Variants in NRG3 observed in about 807,000 individuals in gnomAD.
NRG3 encodes pro-neuregulin-3, membrane-bound isoform.
Under a neutral mutation model 66.9 loss-of-function variants are expected in NRG3, and 31 were observed. The ratio of observed to expected loss-of-function variants is 0.46; its 90% CI spans 0.35 to 0.63. NRG3 has a LOEUF of 0.63. Ranked by LOEUF, NRG3 falls within the 20% of genes least tolerant of loss-of-function variation. The probability of loss-of-function intolerance (pLI) is 0.00; values close to 1 mark genes in which losing one functional copy is unlikely to be tolerated. For missense variants in NRG3, 910 were observed against 878.9 expected, an observed-to-expected ratio of 1.04 and a Z score of -0.45; for synonymous variants, 393 against 359.4, an observed-to-expected ratio of 1.09 and a Z score of -1.06.
chr10:82,141,023 A>G (rs1161228193), intron 1 of NRG3, among the ~76,000 whole-genome samples: 1 of 152,174 alleles, frequency 6.6e-6, no homozygotes, highest in Non-Finnish European at 1.5e-5. Flanking sequence ...GTGTGTGTAT[A>G]TACATGTATA....
intron 4 of NRG3, among the ~76,000 whole-genome samples, chr10:82,943,819 A>G (rs539187821): frequency 6.6e-6 from 1 of 152,314 alleles, no homozygotes; most frequent in African/African-American, 2.4e-5. Context: ...CAGGGGGGAA[A>G]AATTTTAAAA....
chr10:81,972,721 ACT>A (rs2059976796), intron 1 of NRG3, among the ~76,000 whole-genome samples: 1 of 152,108 alleles, frequency 6.6e-6, no homozygotes, highest in Admixed American at 6.6e-5. Context: ...TGTAATTGTA[ACT>A]CTTAATGAAG....
At chr10:82,803,061 G>A (rs150345462) in intron 3 of NRG3, among the ~76,000 whole-genome samples, 18 of 152,206 alleles carry the variant, frequency 1.2e-4, no homozygotes, top group Non-Finnish European at 2.4e-4. Context: ...GAAAATTCTG[G>A]TTTAAAGAGT....
chr10:81,988,606 G>A (rs1351068774), intron 1 of NRG3, among the ~76,000 whole-genome samples: 1 of 152,144 alleles, frequency 6.6e-6, no homozygotes, highest in East Asian at 1.9e-4. Flanking sequence ...GGTGCCTAGA[G>A]AATATTTGAT....
chr10:82,291,346 A>T (rs2079735411), intron 1 of NRG3, among the ~76,000 whole-genome samples: 3 of 152,232 alleles, frequency 2.0e-5, no homozygotes, highest in African/African-American at 7.2e-5. Flanking sequence ...AATAAAAAAC[A>T]TCTTAAATAA....
chr10:82,969,795 C>T (rs1312008031), intron 6 of NRG3, among the ~76,000 whole-genome samples: 1 of 152,142 alleles, frequency 6.6e-6, no homozygotes, highest in Non-Finnish European at 1.5e-5. Flanking sequence ...TAAAAATCTG[C>T]CTCCTAAGTA....
intron 1 of NRG3, among the ~76,000 whole-genome samples, chr10:81,992,742 C>T (rs926331085): frequency 6.6e-6 from 1 of 152,128 alleles, no homozygotes; most frequent in Admixed American, 6.6e-5. Context: ...TCTATAGGCT[C>T]TCTCACACCA....
At chr10:82,141,219 A>G (rs1159923011) in intron 1 of NRG3, among the ~76,000 whole-genome samples, 1 of 152,182 alleles carries the variant, frequency 6.6e-6, no homozygotes, top group Non-Finnish European at 1.5e-5. Context: ...TGTGTTTATA[A>G]TTCACATACC....
intron 1 of NRG3, among the ~76,000 whole-genome samples, chr10:81,969,731 T>G (rs1031260508): frequency 6.6e-6 from 1 of 152,108 alleles, no homozygotes; most frequent in Non-Finnish European, 1.5e-5. Context: ...TTGAGGCAAC[T>G]TAATAATACC....
At chr10:82,515,080 G>T (rs1348978744) in intron 2 of NRG3, among the ~76,000 whole-genome samples, 3 of 152,158 alleles carry the variant, frequency 2.0e-5, no homozygotes. Flanking sequence ...ACATGGGATT[G>T]TCAGACTCCC....
At chr10:82,906,872 T>C (rs567999914) in intron 4 of NRG3, among the ~76,000 whole-genome samples, 2 of 152,324 alleles carry the variant, frequency 1.3e-5, no homozygotes, top group East Asian at 3.9e-4. Context: ...TCTAGTGTTT[T>C]GTTTTTTCAT....
chr10:82,581,717 TA>T (rs1198792955), intron 2 of NRG3, among the ~76,000 whole-genome samples: 1 of 152,058 alleles, frequency 6.6e-6, no homozygotes, highest in Non-Finnish European at 1.5e-5. Flanking sequence ...AGTGTACACT[TA>T]AAAATGTTTA....
chr10:82,650,687 C>A (rs762918260), intron 2 of NRG3, among the ~76,000 whole-genome samples: 3 of 152,210 alleles, frequency 2.0e-5, no homozygotes, highest in Non-Finnish European at 4.4e-5. Context: ...ATTTTCCAGA[C>A]ACAGAAAAAG....
At chr10:82,114,143 A>G (rs1004827019) in intron 1 of NRG3, among the ~76,000 whole-genome samples, 3 of 152,242 alleles carry the variant, frequency 2.0e-5, no homozygotes, top group South Asian at 2.1e-4. Context: ...TCATTCGTCT[A>G]TCATCACTTT....
intron 2 of NRG3, among the ~76,000 whole-genome samples, chr10:82,665,885 G>A (rs571517809): frequency 6.6e-6 from 1 of 151,812 alleles, no homozygotes; most frequent in Admixed American, 6.6e-5. Context: ...TTTTCTTTCA[G>A]ACAGTCTCAC....
At chr10:82,021,222 G>A (rs1011524068) in intron 1 of NRG3, among the ~76,000 whole-genome samples, 7 of 152,008 alleles carry the variant, frequency 4.6e-5, no homozygotes, top group African/African-American at 9.7e-5. Context: ...CAAGTGCAAC[G>A]ACGGTGTTGA....
In NRG3 at chr10:82,363,322, T is replaced by C. The variant is rs114645386; in HGVS notation, c.953+4454T>C. On this transcript the variant is annotated intron_variant, in intron 2 of 8. Transcript: ENST00000372141. Reference sequence around the variant, plus strand: ...TAAAGATTTTTAAAAGTGACTACTATACCCAGTTTGGTAAGGGGGCTGTGA... The same window carrying C: ...TAAAGATTTTTAAAAGTGACTACTACACCCAGTTTGGTAAGGGGGCTGTGA... Among the ~76,000 whole-genome samples the C allele has an allele frequency of 8.1e-3, 1,241 of 152,350 alleles. 13 individuals are homozygous for C. The highest frequency in any genetic ancestry group is 0.028 in the African/African-American group (1,155 of 41,588).
intron 4 of NRG3, among the ~76,000 whole-genome samples, chr10:82,932,353 G>C (rs1222731711): frequency 6.6e-6 from 1 of 152,144 alleles, no homozygotes; most frequent in Non-Finnish European, 1.5e-5. Context: ...GATGTCACCT[G>C]TTTTTATTCT....
At chr10:81,963,460 A>C (rs1391782112) in intron 1 of NRG3, among the ~76,000 whole-genome samples, 1 of 152,130 alleles carries the variant, frequency 6.6e-6, no homozygotes, top group African/African-American at 2.4e-5. Flanking sequence ...AGGGAATAGT[A>C]TGTTGTTCTT....
Sources: allele counts gnomAD v4.1 joint callset (sites outside exome capture counted in the v4.1 genomes callset), GRCh38; gene constraint gnomAD v4.1.1; transcripts MANE v1.5; gene names NCBI Gene and HGNC (gene_info 2026-07-23, HGNC 2026-07-21).